Variants in TMEM150B observed in about 807,000 individuals in gnomAD.
TMEM150B encodes the protein transmembrane protein 150B.
A neutral mutation model predicts 25.2 loss-of-function variants in TMEM150B; 33 were observed. That is an observed-to-expected ratio of 1.31 (90% confidence interval 0.99 to 1.75). The LOEUF (loss-of-function observed/expected upper bound fraction) is 1.75. Among genes scored for constraint, TMEM150B ranks in the 40% most tolerant of loss-of-function variants. The pLI, the probability that TMEM150B is intolerant of heterozygous loss-of-function variation, is 0.00. For missense variants in TMEM150B, 322 were observed against 306.1 expected, an observed-to-expected ratio of 1.05 and a Z score of -0.39; for synonymous variants, 133 against 134.8, an observed-to-expected ratio of 0.99 and a Z score of 0.09.
chr19:55,325,230 C>G lies in TMEM150B; in HGVS notation c.-154+42G>C, dbSNP rs116375506. ...GGGAGGACAGGGGACAGGGCTCCAG[C>G]CTGCCGAGCTACTTTCAAGTTGGGA... On this transcript the variant is annotated intron_variant, in intron 1 of 7. Transcript: ENST00000326652. 4.2e-5 allele frequency: 41 copies of G among 976,834 alleles called. No homozygotes were observed. In the African/African-American group the frequency reaches 7.0e-4, roughly 17 times the overall value. 60.5% of individuals were successfully genotyped at this position (976,834 alleles called of 1,614,324 possible). A position where few individuals can be genotyped will look rare whatever the true frequency, so the allele number is the denominator to read the frequency against.
chr19:55,317,409 G>A (rs2089041639), intron 6 of TMEM150B, among the ~76,000 whole-genome samples: 1 of 152,118 alleles, frequency 6.6e-6, no homozygotes, highest in African/African-American at 2.4e-5. Flanking sequence ...TCTTTGGAAG[G>A]TGAAGCAGGC....
intron 1 of TMEM150B, among the ~76,000 whole-genome samples, chr19:55,323,293 G>A (rs957677316): frequency 6.6e-6 from 1 of 151,934 alleles, no homozygotes; most frequent in Non-Finnish European, 1.5e-5. Flanking sequence ...TTAGCTGGGT[G>A]TGGTGGCGGG....
At position 55,312,928 on chromosome 19, in the gene TMEM150B, C is replaced by G; in HGVS notation, c.633G>C (p.Leu211=). Residue 211 remains leucine, a synonymous_variant, in exon 8 of 8, where the codon CTG becomes CTC. Coordinates refer to ENST00000326652, the MANE Select transcript of TMEM150B (RefSeq NM_001282011.2). ...TGAGGCTGGGCCACGGCTGAACACA[C>G]AGGGTGCAGCTCTCCAGGGCGGAGA... The part of the protein sequence containing the change: ...VDFSALESCT[L]CVQPWPSLSP... 1 of 1,611,560 alleles carries G rather than the reference C, an allele frequency of 6.2e-7. No individual in the cohort carries two copies. Among genetic ancestry groups the G allele is most frequent in the Non-Finnish European group, 8.5e-7 (1 of 1,179,164 alleles).
chr19:55,316,225 C>T lies in TMEM150B; in HGVS notation c.505+561G>A, dbSNP rs551081088. Among the ~76,000 whole-genome samples the T allele has an allele frequency of 5.9e-5, 9 of 152,250 alleles. No individual in the cohort carries two copies. In the South Asian group the frequency reaches 1.2e-3, roughly 21 times the overall value. On this transcript the variant is annotated intron_variant, in intron 7 of 7. Coordinates refer to ENST00000326652, the MANE Select transcript of TMEM150B (RefSeq NM_001282011.2). Reference sequence around the variant, plus strand: ...ACATGATATCACAGGACATGGAGTTCGGACGAGCAGTTCACAGAATGCCTC... The same window carrying T: ...ACATGATATCACAGGACATGGAGTTTGGACGAGCAGTTCACAGAATGCCTC...
At chr19:55,324,813 C>T (rs1670864952) in intron 1 of TMEM150B, 2 of 985,390 alleles carry the variant, frequency 2.0e-6, no homozygotes, top group Non-Finnish European at 2.4e-6. Context: ...CGGAGGTCTC[C>T]GTTTGCCCAG....
downstream of TMEM150B, among the ~76,000 whole-genome samples, chr19:55,310,006 C>T (rs2088747819): frequency 6.6e-6 from 1 of 152,180 alleles, no homozygotes; most frequent in South Asian, 2.1e-4. The surrounding 1 kb of genome is among the most constrained non-coding windows in gnomAD (Gnocchi z 5.0). Context: ...GCGTTGAGGC[C>T]AGGAGCCAGG....
At chr19:55,309,606 G>A (rs1313712111), downstream of TMEM150B, among the ~76,000 whole-genome samples, 2 of 152,142 alleles carry the variant, frequency 1.3e-5, no homozygotes, top group Admixed American at 1.3e-4. Flanking sequence ...ACTCTCTGGG[G>A]CCTCTTTCCT....
At position 55,320,165 on chromosome 19, in the gene TMEM150B, G is replaced by T; in HGVS notation, c.198C>A (p.Ala66=). Reference sequence around the variant, plus strand: ...GGTAACGGACAATGCAGATCCACGCGGCTGGGAGTAGAGGGGAGAAGGAAG... The same window carrying T: ...GGTAACGGACAATGCAGATCCACGCTGCTGGGAGTAGAGGGGAGAAGGAAG... ...SQVLNMGAAL[A]AWICIVRYHQ... Residue 66 remains alanine, a splice_region_variant and synonymous_variant, in exon 6 of 8, where the codon GCC becomes GCA. Transcript: ENST00000326652. 2 of 1,614,026 alleles carry T rather than the reference G, an allele frequency of 1.2e-6. No homozygotes were observed. The highest frequency in any genetic ancestry group is 1.7e-6 in the Non-Finnish European group (2 of 1,179,966).
Position 55,325,252 on chromosome 19 carries a change from G to A in TMEM150B, c.-154+20C>T, listed in dbSNP as rs1414347847. Reference sequence around the variant, plus strand: ...CAGCCTGCCGAGCTACTTTCAAGTTGGGAATTAGGCCCCACTCACCGGCCA... The same window carrying A: ...CAGCCTGCCGAGCTACTTTCAAGTTAGGAATTAGGCCCCACTCACCGGCCA... On this transcript the variant is annotated intron_variant, in intron 1 of 7. Transcript: ENST00000326652. 1.0e-6 allele frequency: 1 copy of A among 984,748 alleles called. No individual in the cohort carries two copies. Among genetic ancestry groups the A allele is most frequent in the Non-Finnish European group, 1.2e-6 (1 of 829,546 alleles). 61.0% of individuals were successfully genotyped at this position (984,748 alleles called of 1,614,324 possible). A position where few individuals can be genotyped will look rare whatever the true frequency, so the allele number is the denominator to read the frequency against.
downstream of TMEM150B, chr19:55,312,533 C>CAAAAAAAAAAAAAA (rs372052269): frequency 3.9e-4 from 10 of 25,736 alleles, no homozygotes; most frequent in African/African-American, 5.3e-4. Flanking sequence ...CCGCCGGCGG[C>CAAAAAAAAAAAAAA]AAAAAAAAAA....
Sources: allele counts gnomAD v4.1 joint callset (sites outside exome capture counted in the v4.1 genomes callset), GRCh38; gene constraint gnomAD v4.1.1; non-coding constraint Gnocchi (gnomAD v3.1); transcripts MANE v1.5; gene names NCBI Gene and HGNC (gene_info 2026-07-23, HGNC 2026-07-21).